The following STRN3 variants were observed in gnomAD, a reference collection of about 807,000 sequenced individuals.
STRN3 encodes the protein striatin 3.
In STRN3, 29 loss-of-function variants were observed where a neutral mutation model predicts 95.6. That is an observed-to-expected ratio of 0.30 (90% confidence interval 0.23 to 0.41). The LOEUF (loss-of-function observed/expected upper bound fraction) is 0.41. STRN3 is among the 10% of genes least tolerant of loss of function. The probability of loss-of-function intolerance (pLI) is 1.00; values close to 1 mark genes in which losing one functional copy is unlikely to be tolerated. For synonymous variants in STRN3, 331 were observed against 357.6 expected (o/e 0.93, Z 0.84); for missense variants, 890 against 972.1 (o/e 0.92, Z 1.12).
rs1417836597 is a variant in STRN3, at chr14:30,917,523, C to T, written c.1240+1443G>A. Among the ~76,000 whole-genome samples, 8 of 143,612 alleles carry T rather than the reference C, an allele frequency of 5.6e-5. No homozygotes were observed. The South Asian group carries it at 1.1e-3, about 20-fold the overall frequency. The allele number at this position is 143,612 out of a possible 152,430, so 94.2% of individuals were successfully genotyped here. A position where few individuals can be genotyped will look rare whatever the true frequency, so the allele number is the denominator to read the frequency against. On this transcript the variant is annotated intron_variant, in intron 9 of 17. Coordinates refer to ENST00000357479, the MANE Select transcript of STRN3 (RefSeq NM_001083893.2). The stretch of plus-strand genomic sequence containing the variant: ...CATATTTGGCAAAACAGACCAAAAA[C>T]GAAGCAAAATCACCACTAAATGCAT...
intron 3 of STRN3, among the ~76,000 whole-genome samples, chr14:30,952,924 G>A (rs1003832290): frequency 1.3e-5 from 2 of 151,974 alleles, no homozygotes; most frequent in Non-Finnish European, 2.9e-5. Context: ...TAGTACTTTA[G>A]TGTTTATCAT....
intron 1 of STRN3, among the ~76,000 whole-genome samples, chr14:31,022,664 G>A (rs985663955): frequency 1.8e-4 from 27 of 151,532 alleles, no homozygotes; most frequent in African/African-American, 6.3e-4. Flanking sequence ...CTATAAAAAA[G>A]AGCTAAGACA....
At chr14:30,979,464 AT>A (rs890626078) in intron 1 of STRN3, among the ~76,000 whole-genome samples, 47 of 152,162 alleles carry the variant, frequency 3.1e-4, no homozygotes, top group African/African-American at 1.0e-3. Flanking sequence ...GCAAAAATTA[AT>A]TTTTATAAAC....
In STRN3 at chr14:30,893,991, T is replaced by G. The variant is rs1164213237; in HGVS notation, c.*1420A>C. On this transcript the variant is annotated 3_prime_UTR_variant, in exon 18 of 18. Transcript: ENST00000357479. ...CTTAAAAATTTGCTGATTCATAGTT[T>G]GTAAAACAAAAACCTTACAAAACTC... The G allele has an allele frequency of 6.6e-6, 1 of 152,610 alleles. No individual in the cohort carries two copies. Among genetic ancestry groups the G allele is most frequent in the Non-Finnish European group, 1.5e-5 (1 of 68,016 alleles). The allele number at this position is 152,610 out of a possible 1,614,324, so 9.5% of individuals were successfully genotyped here.
intron 1 of STRN3, among the ~76,000 whole-genome samples, chr14:30,958,181 C>G (rs546991610): frequency 6.6e-6 from 1 of 150,616 alleles, no homozygotes; most frequent in Admixed American, 6.8e-5. Flanking sequence ...GGCGTGGTAG[C>G]ATGTTCCTGT....
chr14:30,919,126 G>A lies in STRN3; in HGVS notation c.1100-20C>T. The stretch of plus-strand genomic sequence containing the variant: ...TGGCCCCTGTAAATTAATGTCAGCA[G>A]TAGAGGTTCATTTAATGGCTACCGC... On this transcript the variant is annotated intron_variant, in intron 8 of 17. Coordinates refer to ENST00000357479, the MANE Select transcript of STRN3 (RefSeq NM_001083893.2). 6.3e-7 allele frequency: 1 copy of A among 1,579,156 alleles called. No individual in the cohort carries two copies. Among genetic ancestry groups the A allele is most frequent in the Non-Finnish European group, 8.6e-7 (1 of 1,160,528 alleles).
chr14:30,950,187 G>A (rs929172761), intron 4 of STRN3, among the ~76,000 whole-genome samples: 75 of 152,114 alleles, frequency 4.9e-4, no homozygotes, highest in Admixed American at 1.8e-3. Context: ...TAAAGTCAGA[G>A]GGCAAATAAC....
intron 4 of STRN3, among the ~76,000 whole-genome samples, chr14:30,949,403 G>A (rs908183180): frequency 6.6e-6 from 1 of 152,176 alleles, no homozygotes. Context: ...ACGACGTCAG[G>A]AGATCAAGAC....
chr14:30,956,992 CTACAAAAA>C (rs765871192), intron 1 of STRN3, among the ~76,000 whole-genome samples: 219 of 151,984 alleles, frequency 1.4e-3, no homozygotes, highest in Middle Eastern at 3.4e-3. Flanking sequence ...AACCCCCTCT[CTACAAAAA>C]TACAAAAATT....
intron 1 of STRN3, among the ~76,000 whole-genome samples, chr14:30,994,971 A>G (rs1052094202): frequency 2.0e-5 from 3 of 152,236 alleles, no homozygotes; most frequent in Non-Finnish European, 4.4e-5. Context: ...GCAAATTTTG[A>G]CCCCAGGGTC....
Position 30,904,751 on chromosome 14 carries a change from T to G in STRN3, c.2029+667A>C, listed in dbSNP as rs149537633. On this transcript the variant is annotated intron_variant, in intron 15 of 17. Coordinates refer to ENST00000357479, the MANE Select transcript of STRN3 (RefSeq NM_001083893.2). ...TCACCTCTGATAAAAGCTTACAAAT[T>G]ACTTATGAAGTAAAGTTGCCAAGAA... is the stretch of plus-strand genomic sequence containing the variant. Among the ~76,000 whole-genome samples the G allele has an allele frequency of 2.0e-4, 31 of 152,206 alleles. No homozygotes were observed. In the East Asian group the frequency reaches 5.4e-3, roughly 27 times the overall value.
At chr14:30,972,265 C>A (rs1880870418) in intron 1 of STRN3, among the ~76,000 whole-genome samples, 1 of 152,144 alleles carries the variant, frequency 6.6e-6, no homozygotes, top group Non-Finnish European at 1.5e-5. Context: ...TTACCTGCTA[C>A]CTGCTCTGCC....
chr14:30,931,699 G>A (rs2139059560), intron 7 of STRN3, among the ~76,000 whole-genome samples: 1 of 152,286 alleles, frequency 6.6e-6, no homozygotes, highest in East Asian at 1.9e-4. Flanking sequence ...AAATAGAAAT[G>A]CCAACTATTG....
chr14:30,981,964 C>T (rs761712654), intron 1 of STRN3, among the ~76,000 whole-genome samples: 3 of 151,602 alleles, frequency 2.0e-5, no homozygotes, highest in Non-Finnish European at 4.4e-5. Context: ...GGCATGATGG[C>T]GTGTGCCTGT....
At chr14:30,900,659 G>C (rs1212111724) in intron 16 of STRN3, among the ~76,000 whole-genome samples, 1 of 150,660 alleles carries the variant, frequency 6.6e-6, no homozygotes, top group Non-Finnish European at 1.5e-5. Flanking sequence ...TGAGGCACCA[G>C]AATCAATTGA....
intron 5 of STRN3, among the ~76,000 whole-genome samples, chr14:30,940,838 C>T (rs970499515): frequency 6.6e-6 from 1 of 152,144 alleles, no homozygotes; most frequent in African/African-American, 2.4e-5. Context: ...ATTTTCCTAT[C>T]TTTTTGGTCC....
intron 1 of STRN3, among the ~76,000 whole-genome samples, chr14:30,985,203 G>A (rs940847937): frequency 1.3e-5 from 2 of 151,612 alleles, no homozygotes; most frequent in South Asian, 2.1e-4. Flanking sequence ...AACTACTCGG[G>A]AGGCTGAGGT....
At chr14:31,016,980 C>T (rs2139341048) in intron 1 of STRN3, among the ~76,000 whole-genome samples, 1 of 152,190 alleles carries the variant, frequency 6.6e-6, no homozygotes, top group East Asian at 1.9e-4. Flanking sequence ...CTTAGCAAAA[C>T]TCTGTCTCTA....
At chr14:30,900,234 C>T (rs1035079624) in intron 16 of STRN3, among the ~76,000 whole-genome samples, 1 of 151,556 alleles carries the variant, frequency 6.6e-6, no homozygotes, top group Non-Finnish European at 1.5e-5. Context: ...TAGCAGACGC[C>T]TATAATCCCA....
Sources: gnomAD v4.1 joint callset for allele counts (sites outside exome capture counted in the v4.1 genomes callset) on GRCh38, gnomAD v4.1.1 for gene constraint, MANE v1.5 for transcripts, NCBI Gene and HGNC (gene_info 2026-07-23, HGNC 2026-07-21) for gene names.